The following NFATC1 variants were observed in gnomAD, a reference collection of about 807,000 sequenced individuals.
NFATC1 encodes nuclear factor of activated T-cells, cytoplasmic 1.
A neutral mutation model predicts 76.0 loss-of-function variants in NFATC1; 22 were observed. The ratio of observed to expected loss-of-function variants is 0.29; its 90% CI spans 0.21 to 0.41. The LOEUF (loss-of-function observed/expected upper bound fraction) is 0.41, where lower values mean the gene tolerates loss of function less well. Among genes scored for constraint, NFATC1 ranks in the 10% least tolerant of loss-of-function variants. NFATC1 has a pLI of 1.00. For synonymous variants in NFATC1, 704 were observed against 613.1 expected, an observed-to-expected ratio of 1.15 and a Z score of -2.19; for missense variants, 1,357 against 1,337.7, an observed-to-expected ratio of 1.01 and a Z score of -0.23.
chr18:79,502,238 C>T (rs1293098828), intron 9 of NFATC1, among the ~76,000 whole-genome samples: 1 of 152,192 alleles, frequency 6.6e-6, no homozygotes, highest in Non-Finnish European at 1.5e-5. Context: ...AGGCACAAAG[C>T]CCATTTAATT....
chr18:79,461,838 A>G (rs1348889669), intron 7 of NFATC1, among the ~76,000 whole-genome samples: 1 of 152,166 alleles, frequency 6.6e-6, no homozygotes, highest in Non-Finnish European at 1.5e-5. Flanking sequence ...CGGCATCCCC[A>G]GTGGGGACTC....
At chr18:79,464,315 G>A (rs952565813) in intron 7 of NFATC1, among the ~76,000 whole-genome samples, 1 of 151,940 alleles carries the variant, frequency 6.6e-6, no homozygotes, top group Non-Finnish European at 1.5e-5. Flanking sequence ...GGCTGGTCTT[G>A]AACTCCTGAC....
chr18:79,434,956 C>T (rs1354539390), intron 3 of NFATC1, among the ~76,000 whole-genome samples: 1 of 152,216 alleles, frequency 6.6e-6, no homozygotes, highest in Non-Finnish European at 1.5e-5. Context: ...CCTGAGCGCA[C>T]AGTGGCCCGT....
In NFATC1 at chr18:79,424,645, C is replaced by G. The variant is rs568323689; in HGVS notation, c.1227-8934C>G. ...TGTCTCTCCGTCTGTCTCTCTGTCT[C>G]TCTTTCCGTCTCTGTCTCTCCATCT... On this transcript the variant is annotated intron_variant, in intron 2 of 9. Transcript: ENST00000427363. Among the ~76,000 whole-genome samples the G allele has an allele frequency of 3.3e-5, 5 of 151,762 alleles. No individual in the cohort carries two copies. The South Asian group carries it at 8.3e-4, about 25-fold the overall frequency.
intron 3 of NFATC1, among the ~76,000 whole-genome samples, chr18:79,436,373 C>T (rs764854488): frequency 1.8e-4 from 28 of 152,236 alleles, no homozygotes; most frequent in Non-Finnish European, 3.2e-4. Context: ...AATCGTCTGT[C>T]CGCTGCATCT....
chr18:79,483,043 C>T (rs76064759), intron 8 of NFATC1, among the ~76,000 whole-genome samples: 3 of 130,522 alleles, frequency 2.3e-5, no homozygotes, highest in Non-Finnish European at 1.7e-5. Flanking sequence ...GTAATTCCAG[C>T]GTGACCTGGT....
chr18:79,402,594 C>T (rs546834714), intron 1 of NFATC1, among the ~76,000 whole-genome samples: 38 of 152,312 alleles, frequency 2.5e-4, no homozygotes, highest in African/African-American at 8.2e-4. Flanking sequence ...CAGAGACCAC[C>T]GTGGTTTTGG....
At chr18:79,427,436 G>C (rs1460759814) in intron 2 of NFATC1, among the ~76,000 whole-genome samples, 7 of 103,418 alleles carry the variant, frequency 6.8e-5, no homozygotes, top group Admixed American at 1.9e-4. Flanking sequence ...GGGTGGGGGG[G>C]AGCTGGACGG....
intron 9 of NFATC1, among the ~76,000 whole-genome samples, chr18:79,506,124 C>T (rs892327107): frequency 2.0e-5 from 3 of 152,182 alleles, no homozygotes; most frequent in Admixed American, 2.0e-4. Flanking sequence ...TTTTACTTTT[C>T]TTCAACTGAG....
At position 79,448,488 on chromosome 18, in the gene NFATC1, C is replaced by T. The variant is rs1338001008; in HGVS notation, c.1387-294C>T. On this transcript the variant is annotated intron_variant, in intron 3 of 9. Coordinates refer to ENST00000427363, the MANE Select transcript of NFATC1 (RefSeq NM_001278669.2). The stretch of plus-strand genomic sequence containing the variant: ...TCAGCGAGGGCTCCGCTTTCCTGCA[C>T]ACGCCCCCTGCCAGCTTCACTGTGG... 1.1e-5 allele frequency: 5 copies of T among 450,154 alleles called. No individual in the cohort carries two copies. The Admixed American group carries it at 1.2e-4, about 11-fold the overall frequency. The allele number at this position is 450,154 out of a possible 1,614,324, so 27.9% of individuals were successfully genotyped here.
At chr18:79,444,768 G>C in intron 3 of NFATC1, among the ~76,000 whole-genome samples, 1 of 139,610 alleles carries the variant, frequency 7.2e-6, no homozygotes, top group Middle Eastern at 3.6e-3. Flanking sequence ...CCACACCGGC[G>C]CTGCACACAC....
chr18:79,433,077 T>C (rs1427791752), intron 2 of NFATC1, among the ~76,000 whole-genome samples: 1 of 152,246 alleles, frequency 6.6e-6, no homozygotes, highest in Admixed American at 6.5e-5. Flanking sequence ...CAGGGCCTTC[T>C]GTTTGTCTTG....
At chr18:79,483,845 A>T (rs1408853575) in intron 8 of NFATC1, among the ~76,000 whole-genome samples, 1 of 123,988 alleles carries the variant, frequency 8.1e-6, no homozygotes, top group Non-Finnish European at 1.6e-5. Flanking sequence ...TTCCAGCGTG[A>T]CGTGGTTCCT....
intron 8 of NFATC1, among the ~76,000 whole-genome samples, chr18:79,482,037 C>G (rs548316652): frequency 1.4e-5 from 2 of 141,624 alleles, no homozygotes; most frequent in African/African-American, 2.7e-5. Flanking sequence ...GGGTGTCATT[C>G]CAGCGTGAGC....
chr18:79,451,871 C>A (rs1167015813), intron 6 of NFATC1, 55 bp downstream of exon 6: 1 of 1,557,206 alleles, frequency 6.4e-7, no homozygotes, highest in South Asian at 1.2e-5. Flanking sequence ...TGGTGGGAAC[C>A]GGTTCCCAGT....
intron 3 of NFATC1, among the ~76,000 whole-genome samples, chr18:79,444,166 C>T (rs1364081456): frequency 6.6e-6 from 1 of 152,068 alleles, no homozygotes; most frequent in African/African-American, 2.4e-5. Context: ...GAGCTGGTGC[C>T]AGTGGGTCAG....
chr18:79,415,005 A>T (rs2085827962), intron 2 of NFATC1, among the ~76,000 whole-genome samples: 5 of 152,192 alleles, frequency 3.3e-5, no homozygotes, highest in Admixed American at 3.3e-4. Flanking sequence ...TTGCTTCCTC[A>T]TTCCTTCATC....
At chr18:79,525,900 A>C (rs962124115) in intron 9 of NFATC1, among the ~76,000 whole-genome samples, 1 of 152,164 alleles carries the variant, frequency 6.6e-6, no homozygotes, top group Non-Finnish European at 1.5e-5. Context: ...GTGGGAAAGG[A>C]GTTAACTGGT....
chr18:79,525,753 T>C (rs1341389686), intron 9 of NFATC1, among the ~76,000 whole-genome samples: 1 of 152,244 alleles, frequency 6.6e-6, no homozygotes, highest in African/African-American at 2.4e-5. Flanking sequence ...AGTCTCTTCA[T>C]GCATTGGGCA....
Sources: gnomAD v4.1 joint callset for allele counts (sites outside exome capture counted in the v4.1 genomes callset) on GRCh38, gnomAD v4.1.1 for gene constraint, MANE v1.5 for transcripts, NCBI Gene and HGNC (gene_info 2026-07-23, HGNC 2026-07-21) for gene names.